The following KIF2A variants were observed in gnomAD, a reference collection of about 807,000 sequenced individuals.
The protein encoded by KIF2A is kinesin-like protein KIF2A.
KIF2A carries 22 observed loss-of-function variants against 100.2 expected under a neutral mutation model. That is an observed-to-expected ratio of 0.22 (90% CI 0.16 to 0.31). KIF2A has a LOEUF of 0.31. KIF2A is among the 10% of genes least tolerant of loss of function. The probability of loss-of-function intolerance (pLI) is 1.00; values close to 1 mark genes in which losing one functional copy is unlikely to be tolerated. For synonymous variants in KIF2A, 268 were observed against 285.9 expected (o/e 0.94, Z 0.63); for missense variants, 495 against 898.7 (o/e 0.55, Z 5.74).
intron 13 of KIF2A, 91 bp downstream of exon 13, chr5:62,363,411 C>A: frequency 2.5e-6 from 3 of 1,194,514 alleles, no homozygotes; most frequent in Non-Finnish European, 3.5e-6. Flanking sequence ...ATCAATACAT[C>A]TTGGAAGTAA....
chr5:62,380,319 C>T (rs1741719455), intron 19 of KIF2A, among the ~76,000 whole-genome samples: 2 of 152,166 alleles, frequency 1.3e-5, no homozygotes, highest in Non-Finnish European at 1.5e-5. Context: ...ACATTCTTCC[C>T]GTTTTAGGGA....
chr5:62,316,025 A>T (rs1034117879), intron 1 of KIF2A, among the ~76,000 whole-genome samples: 1 of 152,226 alleles, frequency 6.6e-6, no homozygotes, highest in Non-Finnish European at 1.5e-5. Flanking sequence ...GTTTTATTTA[A>T]TCAGGCTAAC....
intron 18 of KIF2A, among the ~76,000 whole-genome samples, chr5:62,376,107 T>C (rs1741529053): frequency 6.6e-6 from 1 of 152,202 alleles, no homozygotes; most frequent in Non-Finnish European, 1.5e-5. Flanking sequence ...CCTATACATA[T>C]CTTTCCATTT....
At chr5:62,323,780 G>A (rs1234797244) in intron 1 of KIF2A, among the ~76,000 whole-genome samples, 4 of 152,096 alleles carry the variant, frequency 2.6e-5, no homozygotes, top group African/African-American at 9.7e-5. Context: ...GCTCATGCCT[G>A]TAATCCCATC....
At chr5:62,359,234 A>G (rs1748267300) in intron 9 of KIF2A, among the ~76,000 whole-genome samples, 1 of 152,190 alleles carries the variant, frequency 6.6e-6, no homozygotes, top group African/African-American at 2.4e-5. Flanking sequence ...TTCATTTCTA[A>G]TAATTATAAC....
At chr5:62,370,238 C>T (rs1741259643) in intron 16 of KIF2A, among the ~76,000 whole-genome samples, 1 of 152,112 alleles carries the variant, frequency 6.6e-6, no homozygotes. Flanking sequence ...CACATTGCTG[C>T]TAAGTGATTA....
chr5:62,321,067 A>G (rs904851598), intron 1 of KIF2A, among the ~76,000 whole-genome samples: 2 of 152,226 alleles, frequency 1.3e-5, no homozygotes, highest in Non-Finnish European at 2.9e-5. Context: ...TCTGTCACTT[A>G]GCATAATCCA....
In KIF2A at chr5:62,390,517, C is replaced by A. The variant is rs2112032562; in HGVS notation, c.*4948C>A. On this transcript the variant is annotated 3_prime_UTR_variant, in exon 21 of 21. Coordinates refer to ENST00000407818, the MANE Select transcript of KIF2A (RefSeq NM_001098511.3). The stretch of plus-strand genomic sequence containing the variant: ...TCCAGTTACATGTATTATGATTTTT[C>A]TACCTTATGGACTATTTTGGAGGGA... 6.6e-6 allele frequency among the ~76,000 whole-genome samples: 1 copy of A among 152,280 alleles called. No individual in the cohort carries two copies. Among genetic ancestry groups the A allele is most frequent in the South Asian group, 2.1e-4 (1 of 4,832 alleles).
chr5:62,321,045 T>C (rs1290733967), intron 1 of KIF2A, among the ~76,000 whole-genome samples: 1 of 152,238 alleles, frequency 6.6e-6, no homozygotes, highest in Non-Finnish European at 1.5e-5. Flanking sequence ...ACATAGCCTT[T>C]AGTGTATAGC....
At chr5:62,310,895 A>G (rs529543819) in intron 1 of KIF2A, among the ~76,000 whole-genome samples, 3 of 151,878 alleles carry the variant, frequency 2.0e-5, no homozygotes, top group South Asian at 2.1e-4. Flanking sequence ...TGCTGTTAAC[A>G]GTTCTGTAGT....
At chr5:62,316,251 T>C (rs1057061766) in intron 1 of KIF2A, among the ~76,000 whole-genome samples, 62 of 152,252 alleles carry the variant, frequency 4.1e-4, no homozygotes, top group Non-Finnish European at 1.0e-4. Flanking sequence ...TGTAGTGTGT[T>C]AGCCAGGACC....
At chr5:62,312,723 C>T (rs971461041) in intron 1 of KIF2A, among the ~76,000 whole-genome samples, 35 of 152,182 alleles carry the variant, frequency 2.3e-4, no homozygotes, top group African/African-American at 8.2e-4. Flanking sequence ...ATTAGAATTT[C>T]ACCATATTAA....
chr5:62,306,637 C>A, intron 1 of KIF2A, 101 bp downstream of exon 1: 3 of 982,508 alleles, frequency 3.1e-6, no homozygotes, highest in Non-Finnish European at 4.6e-6. Flanking sequence ...CTTCGCCGGG[C>A]TGTGGGGGTG....
intron 19 of KIF2A, among the ~76,000 whole-genome samples, chr5:62,379,960 C>T (rs1329822802): frequency 2.6e-5 from 4 of 152,270 alleles, no homozygotes; most frequent in East Asian, 1.9e-4. Context: ...GGCGCGATCT[C>T]GGCTCACTAT....
At chr5:62,333,443 C>T (rs904997991) in intron 1 of KIF2A, among the ~76,000 whole-genome samples, 3 of 152,098 alleles carry the variant, frequency 2.0e-5, no homozygotes, top group African/African-American at 7.2e-5. Context: ...AGGAAGATGG[C>T]GACATCAGGG....
chr5:62,328,197 T>G (rs1746471357), intron 1 of KIF2A, among the ~76,000 whole-genome samples: 1 of 147,766 alleles, frequency 6.8e-6, no homozygotes, highest in South Asian at 2.1e-4. Context: ...TTGGTATATA[T>G]TCTGTTATCC....
intron 3 of KIF2A, among the ~76,000 whole-genome samples, chr5:62,348,620 A>G (rs1262578971): frequency 6.6e-6 from 1 of 152,216 alleles, no homozygotes; most frequent in Non-Finnish European, 1.5e-5. Flanking sequence ...CTGTCATGAT[A>G]TACCTTAAAA....
At chr5:62,377,521 C>T (rs889179240) in intron 18 of KIF2A, 140 bp from the exon 19 acceptor site, 5 of 430,870 alleles carry the variant, frequency 1.2e-5, no homozygotes, top group African/African-American at 8.2e-5. Context: ...GTGGCTTTGC[C>T]TTTTATATAT....
chr5:62,341,187 C>T (rs1561261997), intron 1 of KIF2A, among the ~76,000 whole-genome samples: 1 of 152,172 alleles, frequency 6.6e-6, no homozygotes, highest in African/African-American at 2.4e-5. Flanking sequence ...AGTCTTAGAT[C>T]AGATGCTTTT....
Sources: allele counts gnomAD v4.1 joint callset (sites outside exome capture counted in the v4.1 genomes callset), GRCh38; gene constraint gnomAD v4.1.1; transcripts MANE v1.5; gene names NCBI Gene and HGNC (gene_info 2026-07-23, HGNC 2026-07-21).